STK32C: variants seen among roughly 807,000 people sequenced by gnomAD.
STK32C encodes the protein serine/threonine kinase 32C.
Under a neutral mutation model 56.5 loss-of-function variants are expected in STK32C, and 31 were observed. The ratio of observed to expected loss-of-function variants is 0.55; its 90% CI spans 0.41 to 0.74. STK32C has a LOEUF of 0.74. STK32C is among the 30% of genes least tolerant of loss of function. The pLI is 0.00. For synonymous variants in STK32C, 309 were observed against 289.4 expected (o/e 1.07, Z -0.69); for missense variants, 544 against 676.9 (o/e 0.80, Z 2.18).
At chr10:132,241,352 TG>T (rs2063494675) in intron 2 of STK32C, among the ~76,000 whole-genome samples, 1 of 152,092 alleles carries the variant, frequency 6.6e-6, no homozygotes, top group African/African-American at 2.4e-5. Context: ...AATTTAACAC[TG>T]GGAAAAGTTA....
In STK32C at chr10:132,272,384, G is replaced by A. The variant is rs538563043; in HGVS notation, c.263-26429C>T. On this transcript the variant is annotated intron_variant, in intron 1 of 11. Coordinates refer to ENST00000298630, the MANE Select transcript of STK32C (RefSeq NM_173575.4). ...GAGAGTGCAAGCGGCTGTTGTTTAC[G>A]CCACCCACGAACAACCCGAGCAAAT... Among the ~76,000 whole-genome samples the A allele has an allele frequency of 1.6e-3, 248 of 152,288 alleles. 1 individual carries two copies. The highest frequency in any genetic ancestry group is 5.8e-3 in the African/African-American group (240 of 41,562).
At chr10:132,323,586 A>G (rs1352833290), downstream of STK32C, among the ~76,000 whole-genome samples, 1 of 152,214 alleles carries the variant, frequency 6.6e-6, no homozygotes, top group East Asian at 1.9e-4. This position sits in a 1 kb window ranked among gnomAD's most constrained non-coding sequence, Gnocchi z 4.8. Flanking sequence ...TGTCTATGTT[A>G]GGTACATGAA....
intron 1 of STK32C, among the ~76,000 whole-genome samples, chr10:132,281,132 C>A (rs747900879): frequency 2.0e-5 from 3 of 151,934 alleles, no homozygotes; most frequent in Non-Finnish European, 4.4e-5. Context: ...CCATCCTGGA[C>A]AACAGAGCAA....
intron 11 of STK32C, among the ~76,000 whole-genome samples, 190 bp from the exon 12 acceptor site, chr10:132,208,341 C>T (rs969961295): frequency 2.0e-5 from 3 of 152,206 alleles, no homozygotes; most frequent in Non-Finnish European, 4.4e-5. Context: ...GGTGGGGGCA[C>T]GTGAGCATGC....
chr10:132,266,534 T>C (rs2064535532), intron 1 of STK32C, among the ~76,000 whole-genome samples: 1 of 152,152 alleles, frequency 6.6e-6, no homozygotes, highest in African/African-American at 2.4e-5. Flanking sequence ...GTTTTAGGCA[T>C]CTTATCTGAA....
chr10:132,275,311 A>G (rs1367491429), intron 1 of STK32C, among the ~76,000 whole-genome samples: 1 of 152,188 alleles, frequency 6.6e-6, no homozygotes, highest in Non-Finnish European at 1.5e-5. Context: ...CCCGGGGAAG[A>G]TGGTGAGTCA....
At chr10:132,216,583 G>A (rs1028701997) in intron 10 of STK32C, among the ~76,000 whole-genome samples, 2 of 152,192 alleles carry the variant, frequency 1.3e-5, no homozygotes, top group African/African-American at 2.4e-5. Context: ...TGTCTCCAGG[G>A]CATGCCACAG....
rs10556901 is a variant in STK32C at position 132,281,178 on chromosome 10, GACACACACACACACACAC to G, written c.262+26376_262+26393del. ...TAAACACACACACGTGATCCTCGTG[GACACACACACACACACAC>G]ACACACACACACACACAGGTGCATA... On this transcript the variant is annotated intron_variant, in intron 1 of 11. Transcript: ENST00000298630. Among the ~76,000 whole-genome samples, 179 of 149,436 alleles carry G rather than the reference GACACACACACACACACAC, an allele frequency of 1.2e-3. 1 individual carries two copies. Among genetic ancestry groups the G allele is most frequent in the African/African-American group, 4.1e-3 (168 of 40,498 alleles).
At chr10:132,234,758 G>C (rs1161754177) in intron 2 of STK32C, among the ~76,000 whole-genome samples, 1 of 152,202 alleles carries the variant, frequency 6.6e-6, no homozygotes, top group Non-Finnish European at 1.5e-5. Context: ...TGAGCTGCTG[G>C]GGGGGCCTTG....
At chr10:132,226,651 T>G (rs1438339964) in intron 4 of STK32C, 144 bp downstream of exon 4, 3 of 963,792 alleles carry the variant, frequency 3.1e-6, no homozygotes, top group Non-Finnish European at 4.6e-6. Context: ...GTGCCACAGC[T>G]GGGGGCAGGC....
chr10:132,235,054 G>C (rs1483404261), intron 2 of STK32C, among the ~76,000 whole-genome samples: 6 of 151,862 alleles, frequency 4.0e-5, no homozygotes, highest in African/African-American at 1.5e-4. Context: ...GGTATGAACT[G>C]TCTGAGTGGT....
chr10:132,298,736 T>C (rs571219236), intron 1 of STK32C, among the ~76,000 whole-genome samples: 3 of 151,646 alleles, frequency 2.0e-5, no homozygotes, highest in Admixed American at 2.0e-4. Context: ...ACCCAGGCAG[T>C]GTGTGGGGAA....
intron 1 of STK32C, among the ~76,000 whole-genome samples, chr10:132,263,094 G>A (rs12258957): frequency 0.37 from 55,549 of 152,092 alleles, 10,595 homozygotes; most frequent in African/African-American, 0.42. Context: ...TTATGGGTAC[G>A]TATCCAAAAG....
In STK32C at chr10:132,264,686, C is replaced by A. The variant is rs188715354; in HGVS notation, c.263-18731G>T. On this transcript the variant is annotated intron_variant, in intron 1 of 11. Transcript: ENST00000298630. ...GGGAGGAGGACTCCCCAAACCAGCA[C>A]CTAGTGGGGCTCGCATGGGGCACAC... 4.6e-3 allele frequency among the ~76,000 whole-genome samples: 694 copies of A among 152,280 alleles called. 3 individuals are homozygous for A. The highest frequency in any genetic ancestry group is 0.017 in the South Asian group (80 of 4,828).
intron 1 of STK32C, among the ~76,000 whole-genome samples, chr10:132,329,201 G>C (rs953516142): frequency 1.1e-4 from 16 of 152,242 alleles, no homozygotes; most frequent in Non-Finnish European, 1.5e-5. Flanking sequence ...GATGGCTTGA[G>C]CTCAGGAGTT....
intron 10 of STK32C, among the ~76,000 whole-genome samples, chr10:132,221,616 A>C (rs1251581288): frequency 8.0e-6 from 1 of 124,540 alleles, no homozygotes; most frequent in Non-Finnish European, 1.6e-5. Flanking sequence ...AGGGCTTCAG[A>C]TGGCCGTCCC....
intron 1 of STK32C, among the ~76,000 whole-genome samples, chr10:132,250,023 T>A (rs934603491): frequency 6.6e-6 from 1 of 152,236 alleles, no homozygotes; most frequent in African/African-American, 2.4e-5. Flanking sequence ...GGGAGCAATA[T>A]GTAATCAGCC....
intron 1 of STK32C, among the ~76,000 whole-genome samples, chr10:132,252,945 C>G (rs2063958930): frequency 6.6e-6 from 1 of 152,184 alleles, no homozygotes; most frequent in Non-Finnish European, 1.5e-5. Context: ...AGCCCCCACA[C>G]CTCCCACGGT....
At chr10:132,309,313 C>T (rs1751868813), upstream of STK32C, among the ~76,000 whole-genome samples, 1 of 152,128 alleles carries the variant, frequency 6.6e-6, no homozygotes, top group Non-Finnish European at 1.5e-5. Flanking sequence ...TGGAACCATG[C>T]CCATCTACCT....
Sources: allele counts gnomAD v4.1 joint callset (sites outside exome capture counted in the v4.1 genomes callset), GRCh38; gene constraint gnomAD v4.1.1; non-coding constraint Gnocchi (gnomAD v3.1); transcripts MANE v1.5; gene names NCBI Gene and HGNC (gene_info 2026-07-23, HGNC 2026-07-21).